The following PDE4D variants were observed in gnomAD, a reference collection of about 807,000 sequenced individuals.
The protein encoded by PDE4D is phosphodiesterase 4D.
PDE4D carries 24 observed loss-of-function variants against 87.4 expected under a neutral mutation model. That is an observed-to-expected ratio of 0.27 (90% confidence interval 0.20 to 0.39). The LOEUF (loss-of-function observed/expected upper bound fraction) is 0.39, where lower values mean the gene tolerates loss of function less well. Ranked by LOEUF, PDE4D falls within the 10% of genes least tolerant of loss-of-function variation. The probability of loss-of-function intolerance (pLI) is 1.00; values close to 1 mark genes in which losing one functional copy is unlikely to be tolerated. For synonymous variants in PDE4D, 384 were observed against 383.2 expected (o/e 1.00, Z -0.02); for missense variants, 714 against 1,041.0 (o/e 0.69, Z 4.32).
intron 1 of PDE4D, among the ~76,000 whole-genome samples, chr5:59,641,110 C>G (rs942330974): frequency 2.6e-5 from 4 of 152,098 alleles, no homozygotes; most frequent in Admixed American, 2.0e-4. Context: ...CTTTCTCCGG[C>G]TTCCTAGTTT....
intron 2 of PDE4D, among the ~76,000 whole-genome samples, chr5:60,154,998 T>C (rs892754680): frequency 2.6e-5 from 4 of 152,222 alleles, no homozygotes; most frequent in Non-Finnish European, 5.9e-5. Context: ...GGTTCTTTCT[T>C]TGATGGGCAT....
chr5:59,580,476 TA>T (rs766252311), intron 1 of PDE4D, among the ~76,000 whole-genome samples: 1 of 152,290 alleles, frequency 6.6e-6, no homozygotes, highest in Admixed American at 6.5e-5. Flanking sequence ...ATTCTTCTTT[TA>T]TTTTTTTGAG....
chr5:60,397,213 C>T (rs1232412119), intron 1 of PDE4D, among the ~76,000 whole-genome samples: 2 of 152,120 alleles, frequency 1.3e-5, no homozygotes, highest in Non-Finnish European at 2.9e-5. Context: ...ATTAGTGCAG[C>T]CATTATGGGA....
chr5:59,635,552 G>C (rs775522334), intron 1 of PDE4D, among the ~76,000 whole-genome samples: 1 of 152,124 alleles, frequency 6.6e-6, no homozygotes, highest in Non-Finnish European at 1.5e-5. Flanking sequence ...CGATCAAGTC[G>C]GCTTCATCCC....
chr5:59,048,438 A>G (rs921015375), intron 5 of PDE4D, among the ~76,000 whole-genome samples: 5 of 152,206 alleles, frequency 3.3e-5, no homozygotes, highest in Non-Finnish European at 7.3e-5. Flanking sequence ...TGAACAGATT[A>G]TCTTTAGCAC....
intron 1 of PDE4D, among the ~76,000 whole-genome samples, chr5:60,235,263 ATT>A (rs1746295322): frequency 6.6e-6 from 1 of 151,868 alleles, no homozygotes; most frequent in Non-Finnish European, 1.5e-5. Flanking sequence ...TTTCAGACTT[ATT>A]TATAAATTGT....
chr5:58,994,830 A>G (rs1299327042), intron 6 of PDE4D, among the ~76,000 whole-genome samples: 1 of 151,958 alleles, frequency 6.6e-6, no homozygotes, highest in Non-Finnish European at 1.5e-5. Flanking sequence ...GATGAGAGAA[A>G]TGTGTATTCG....
intron 1 of PDE4D, among the ~76,000 whole-genome samples, chr5:59,578,775 A>T (rs1286422941): frequency 1.3e-5 from 2 of 151,960 alleles, no homozygotes; most frequent in Non-Finnish European, 2.9e-5. Context: ...TAATCTCCAC[A>T]TTATCTGCAT....
rs58204799 is a variant in PDE4D at position 59,794,137 on chromosome 5, G to GCACACACA, written c.455+99023_455+99030dup. Among the ~76,000 whole-genome samples, 15 of 145,062 alleles carry GCACACACA rather than the reference G, an allele frequency of 1.0e-4. No individual in the cohort carries two copies. In the East Asian group the frequency reaches 2.1e-3, roughly 20 times the overall value. ...GATACACAGACACACACACAGAGGC[G>GCACACACA]CACACACACACACACACACACACAC... On this transcript the variant is annotated intron_variant, in intron 1 of 14. Transcript: ENST00000340635.
intron 1 of PDE4D, among the ~76,000 whole-genome samples, chr5:59,581,690 C>T (rs1824185802): frequency 1.3e-5 from 2 of 152,064 alleles, no homozygotes. Context: ...AACTTTGCTC[C>T]TCTATCATAG....
rs55821264 is a variant in PDE4D, at chr5:59,616,918, CAT to C, written c.455+276248_455+276249del. ...GTGTATTACTTAGACCTAATAATTA[CAT>C]ATATATATATATATATATATATATA... is the stretch of plus-strand genomic sequence containing the variant. On this transcript the variant is annotated intron_variant, in intron 1 of 14. Transcript: ENST00000340635. 7.8e-3 allele frequency among the ~76,000 whole-genome samples: 492 copies of C among 62,890 alleles called. 28 individuals carry two copies. Among genetic ancestry groups the C allele is most frequent in the African/African-American group, 0.02 (389 of 19,910 alleles). The allele number at this position is 62,890 out of a possible 152,430, so 41.3% of individuals were successfully genotyped here.
intron 1 of PDE4D, among the ~76,000 whole-genome samples, chr5:59,826,405 C>A (rs552189591): frequency 6.6e-6 from 1 of 152,236 alleles, no homozygotes. Flanking sequence ...TTCTGAAGAT[C>A]TCCAAGTTGT....
At chr5:59,874,479 T>C (rs1256743925) in intron 1 of PDE4D, among the ~76,000 whole-genome samples, 2 of 152,168 alleles carry the variant, frequency 1.3e-5, no homozygotes, top group African/African-American at 2.4e-5. Context: ...AACAAGACTG[T>C]AGATAATAGA....
At chr5:59,562,673 G>T (rs1583135593) in intron 1 of PDE4D, among the ~76,000 whole-genome samples, 1 of 152,182 alleles carries the variant, frequency 6.6e-6, no homozygotes, top group Non-Finnish European at 1.5e-5. Context: ...TATATACCTA[G>T]TTAGGTTGAG....
intron 1 of PDE4D, among the ~76,000 whole-genome samples, chr5:60,208,199 G>T (rs1742773749): frequency 6.6e-6 from 1 of 152,210 alleles, no homozygotes; most frequent in Admixed American, 6.5e-5. Flanking sequence ...CTGTGAGATG[G>T]TGATATGTGC....
At chr5:59,145,734 T>C (rs1160564284) in intron 5 of PDE4D, among the ~76,000 whole-genome samples, 1 of 152,202 alleles carries the variant, frequency 6.6e-6, no homozygotes, top group African/African-American at 2.4e-5. Flanking sequence ...CATAATTCCA[T>C]GTCTGCGAAA....
At chr5:59,601,877 C>G (rs1467598185) in intron 1 of PDE4D, among the ~76,000 whole-genome samples, 15 of 152,052 alleles carry the variant, frequency 9.9e-5, no homozygotes, top group Admixed American at 5.9e-4. Context: ...TTTCCTCAAA[C>G]TCTTTCAAAA....
chr5:59,305,772 T>C (rs370716312), intron 1 of PDE4D, among the ~76,000 whole-genome samples: 17 of 152,348 alleles, frequency 1.1e-4, no homozygotes, highest in African/African-American at 4.1e-4. Context: ...GAGTGCTTGA[T>C]ATAATTCAAT....
At chr5:59,190,952 G>A (rs1744167118) in intron 3 of PDE4D, among the ~76,000 whole-genome samples, 1 of 152,114 alleles carries the variant, frequency 6.6e-6, no homozygotes, top group Admixed American at 6.5e-5. Flanking sequence ...AGCCTCTCAA[G>A]TAATGACCAC....
Sources: gnomAD v4.1 joint callset for allele counts (sites outside exome capture counted in the v4.1 genomes callset) on GRCh38, gnomAD v4.1.1 for gene constraint, MANE v1.5 for transcripts, NCBI Gene and HGNC (gene_info 2026-07-23, HGNC 2026-07-21) for gene names.